The following ADAM12 variants were observed in gnomAD, a reference collection of about 807,000 sequenced individuals.
The protein encoded by ADAM12 is ADAM metallopeptidase domain 12.
Under a neutral mutation model 106.4 loss-of-function variants are expected in ADAM12, and 70 were observed. The ratio of observed to expected loss-of-function variants is 0.66; its 90% confidence interval spans 0.54 to 0.80. The LOEUF (loss-of-function observed/expected upper bound fraction) is 0.80, where lower values mean the gene tolerates loss of function less well. ADAM12 is among the 30% of genes least tolerant of loss of function. The probability of loss-of-function intolerance (pLI) is 0.00; values close to 1 mark genes in which losing one functional copy is unlikely to be tolerated. For synonymous variants in ADAM12, 420 were observed against 433.5 expected (o/e 0.97, Z 0.39); for missense variants, 1,010 against 1,171.9 (o/e 0.86, Z 2.02).
chr10:126,148,789 C>T (rs192118257), intron 4 of ADAM12, among the ~76,000 whole-genome samples: 1 of 152,270 alleles, frequency 6.6e-6, no homozygotes, highest in East Asian at 1.9e-4. Flanking sequence ...CTAGTTTAGG[C>T]CTAGACAGTA....
At chr10:126,164,189 T>C (rs1318440722) in intron 3 of ADAM12, among the ~76,000 whole-genome samples, 1 of 152,262 alleles carries the variant, frequency 6.6e-6, no homozygotes, top group Non-Finnish European at 1.5e-5. Context: ...CTTTTTCCTA[T>C]TATTTCTTTG....
intron 3 of ADAM12, among the ~76,000 whole-genome samples, chr10:126,201,649 A>G (rs1250829734): frequency 3.3e-5 from 5 of 152,132 alleles, no homozygotes; most frequent in Non-Finnish European, 7.3e-5. Flanking sequence ...GGAACTGGCA[A>G]TGTACAGGGA....
chr10:126,299,875 C>G (rs1363000643), intron 2 of ADAM12, among the ~76,000 whole-genome samples: 1 of 152,142 alleles, frequency 6.6e-6, no homozygotes, highest in Non-Finnish European at 1.5e-5. Flanking sequence ...AACTCCTGAC[C>G]TCAGTTGATC....
chr10:126,388,365 C>A lies in ADAM12; in HGVS notation c.-220G>T. The A allele has an allele frequency of 1.7e-6, 1 of 580,096 alleles. No homozygotes were observed. The highest frequency in any genetic ancestry group is 8.8e-5 in the South Asian group (1 of 11,426). The allele number at this position is 580,096 out of a possible 1,614,324, so 35.9% of individuals were successfully genotyped here. On this transcript the variant is annotated 5_prime_UTR_variant, in exon 1 of 23. Transcript: ENST00000448723. The surrounding 1 kb of genome is among the most constrained non-coding windows in gnomAD (Gnocchi z 4.4). ...CCGTGTGTGTGCGTGCGTGCGCGCG[C>A]GCGCGCCGTTCTGGCACAAGCCAGC...
intron 4 of ADAM12, among the ~76,000 whole-genome samples, chr10:126,139,663 A>T (rs1453591049): frequency 2.0e-5 from 3 of 151,762 alleles, no homozygotes; most frequent in African/African-American, 7.3e-5. Context: ...GGGGAGTGGC[A>T]TCCAGGGGTG....
chr10:126,302,169 C>A (rs993384349), intron 2 of ADAM12, among the ~76,000 whole-genome samples: 5 of 152,286 alleles, frequency 3.3e-5, no homozygotes, highest in Admixed American at 2.0e-4. Flanking sequence ...ACCCCACCAA[C>A]CCCACCCCCA....
At chr10:126,271,813 GC>G (rs1423205716) in intron 3 of ADAM12, among the ~76,000 whole-genome samples, 17 of 152,128 alleles carry the variant, frequency 1.1e-4, no homozygotes, top group African/African-American at 3.4e-4. Flanking sequence ...CTGCCTACAG[GC>G]CTTTTCTTCT....
rs1249286972 is a variant in ADAM12 at position 126,046,874 on chromosome 10, A to T, written c.1918-742T>A. ...GATTACTCCTTATCCCAGGGCCTGG[A>T]TAGACATAGATGGAGACTCCAAGAA... On this transcript the variant is annotated intron_variant, in intron 16 of 22. Coordinates refer to ENST00000448723, the MANE Select transcript of ADAM12 (RefSeq NM_001288973.2). 2.7e-5 allele frequency among the ~76,000 whole-genome samples: 4 copies of T among 148,450 alleles called. No individual in the cohort carries two copies. The East Asian group carries it at 8.0e-4, about 30-fold the overall frequency.
chr10:126,113,719 T>TAAA (rs1955925076), intron 6 of ADAM12, among the ~76,000 whole-genome samples: 1 of 43,674 alleles, frequency 2.3e-5, no homozygotes, highest in Admixed American at 3.2e-4. Context: ...TATATATATA[T>TAAA]ATATATATAT....
intron 3 of ADAM12, among the ~76,000 whole-genome samples, chr10:126,157,719 A>G (rs1359718981): frequency 1.3e-5 from 2 of 152,176 alleles, no homozygotes; most frequent in East Asian, 1.9e-4. Flanking sequence ...CGTGCCAGAG[A>G]AAGTTGCCCT....
intron 3 of ADAM12, among the ~76,000 whole-genome samples, chr10:126,179,043 A>C (rs1162487106): frequency 6.6e-6 from 1 of 152,010 alleles, no homozygotes; most frequent in Non-Finnish European, 1.5e-5. Context: ...TGAGACTCTT[A>C]TCTTAAAAAA....
rs1038983708 is a variant in ADAM12, at chr10:126,041,322, A to G, written c.2104+1718T>C. 8 of 985,620 alleles carry G rather than the reference A, an allele frequency of 8.1e-6. No individual in the cohort carries two copies. The East Asian group carries it at 5.7e-4, about 70-fold the overall frequency. 61.1% of individuals were successfully genotyped at this position (985,620 alleles called of 1,614,324 possible). The stretch of plus-strand genomic sequence containing the variant: ...TGGCCTGCCTTGATTTTATATATGT[A>G]TGAACAGGGTGGAGGCAGCGGTATT... On this transcript the variant is annotated intron_variant, in intron 18 of 22. Transcript: ENST00000448723.
chr10:126,160,576 C>T (rs184356514), intron 3 of ADAM12, among the ~76,000 whole-genome samples: 4 of 152,292 alleles, frequency 2.6e-5, no homozygotes, highest in East Asian at 3.9e-4. Flanking sequence ...GCCAAGACTC[C>T]AGGTGTCATG....
chr10:126,133,077 C>A (rs1956337305), intron 5 of ADAM12, among the ~76,000 whole-genome samples: 1 of 152,140 alleles, frequency 6.6e-6, no homozygotes, highest in Non-Finnish European at 1.5e-5. Context: ...CCAGAATATT[C>A]CTCTTACCTC....
chr10:126,101,357 A>G (rs1955664415), intron 8 of ADAM12, 116 bp from the exon 9 acceptor site: 1 of 994,654 alleles, frequency 1.0e-6, no homozygotes, highest in South Asian at 1.7e-5. Context: ...TGAGAAAAAT[A>G]TCTCTGTGCT....
chr10:126,270,736 T>A (rs1959170797), intron 3 of ADAM12, among the ~76,000 whole-genome samples: 1 of 152,110 alleles, frequency 6.6e-6, no homozygotes, highest in Non-Finnish European at 1.5e-5. Context: ...TGCTCTAGAC[T>A]TCAAGGAGGG....
At chr10:126,168,737 A>G (rs1285719502) in intron 3 of ADAM12, among the ~76,000 whole-genome samples, 1 of 152,208 alleles carries the variant, frequency 6.6e-6, no homozygotes, top group East Asian at 1.9e-4. Flanking sequence ...TGCTCCTTAC[A>G]GAACCCAGAG....
intron 1 of ADAM12, among the ~76,000 whole-genome samples, chr10:126,380,563 A>C (rs1243606164): frequency 6.6e-6 from 1 of 152,228 alleles, no homozygotes. Context: ...GTGCACGCAA[A>C]GACCTGCGCA....
At chr10:126,316,555 G>T (rs1402179486) in intron 2 of ADAM12, among the ~76,000 whole-genome samples, 1 of 151,946 alleles carries the variant, frequency 6.6e-6, no homozygotes, top group Non-Finnish European at 1.5e-5. Context: ...GGTGTTCAAG[G>T]TGGAAAAATT....
Sources: gnomAD v4.1 joint callset for allele counts (sites outside exome capture counted in the v4.1 genomes callset) on GRCh38, gnomAD v4.1.1 for gene constraint, Gnocchi (gnomAD v3.1) non-coding constraint, MANE v1.5 for transcripts, NCBI Gene and HGNC (gene_info 2026-07-23, HGNC 2026-07-21) for gene names.